The following GTF2A1 variants were observed in gnomAD, a reference collection of about 807,000 sequenced individuals.
GTF2A1 encodes the protein transcription initiation factor IIA subunit 1.
In GTF2A1, 12 loss-of-function variants were observed where a neutral mutation model predicts 54.1. That is an observed-to-expected ratio of 0.22 (90% CI 0.14 to 0.36). The LOEUF is 0.36. Among genes scored for constraint, GTF2A1 ranks in the 10% least tolerant of loss-of-function variants. The pLI is 1.00. For missense variants in GTF2A1, 335 were observed against 442.2 expected, an observed-to-expected ratio of 0.76 and a Z score of 2.17; for synonymous variants, 145 against 152.0, an observed-to-expected ratio of 0.95 and a Z score of 0.34.
chr14:81,201,570 A>G, intron 4 of GTF2A1, 24 bp downstream of exon 4: 1 of 1,421,820 alleles, frequency 7.0e-7, no homozygotes. Flanking sequence ...ACAGCCAATC[A>G]AACTGCTACA....
chr14:81,206,018 A>AAATC (rs750871077), intron 2 of GTF2A1, among the ~76,000 whole-genome samples: 8 of 152,188 alleles, frequency 5.3e-5, no homozygotes, highest in Non-Finnish European at 1.2e-4. Flanking sequence ...TGTGAGCCAA[A>AAATC]AATCAAGGTG....
intron 4 of GTF2A1, among the ~76,000 whole-genome samples, chr14:81,200,985 A>C (rs184918117): frequency 6.6e-6 from 1 of 152,122 alleles, no homozygotes; most frequent in East Asian, 1.9e-4. Context: ...CCTATACTAC[A>C]TTTGTTGAGA....
chr14:81,211,036 T>A (rs772699555), intron 2 of GTF2A1, among the ~76,000 whole-genome samples: 1 of 152,242 alleles, frequency 6.6e-6, no homozygotes, highest in Non-Finnish European at 1.5e-5. Context: ...TAAATACATG[T>A]ACAAACTAGT....
intron 7 of GTF2A1, among the ~76,000 whole-genome samples, chr14:81,192,144 C>T (rs1200000280): frequency 6.6e-6 from 1 of 152,014 alleles, no homozygotes; most frequent in Non-Finnish European, 1.5e-5. Context: ...CAAATGTTGC[C>T]ACGCTTTTTA....
chr14:81,206,801 C>T (rs1338142199), intron 2 of GTF2A1, among the ~76,000 whole-genome samples: 2 of 151,926 alleles, frequency 1.3e-5, no homozygotes, highest in Non-Finnish European at 2.9e-5. Flanking sequence ...TCTCTCCTTC[C>T]CTCCCCTTCT....
chr14:81,206,490 C>T (rs1230421213), intron 2 of GTF2A1, among the ~76,000 whole-genome samples: 2 of 152,178 alleles, frequency 1.3e-5, no homozygotes, highest in Admixed American at 6.5e-5. Flanking sequence ...GAGAAAAATG[C>T]TCGACCTTAC....
In GTF2A1 at chr14:81,203,542, G is replaced by C. The variant is rs553724533; in HGVS notation, c.337+358C>G. The stretch of plus-strand genomic sequence containing the variant: ...ACCATATAAAATAATAAATCCCTTA[G>C]TAAATAAACCTTTTAGATTTAACTT... On this transcript the variant is annotated intron_variant, in intron 3 of 8. Transcript: ENST00000553612. Among the ~76,000 whole-genome samples, 55 of 152,216 alleles carry C rather than the reference G, an allele frequency of 3.6e-4. 1 individual carries two copies. The South Asian group carries it at 0.011, about 32-fold the overall frequency.
chr14:81,201,005 T>C (rs1566857171), intron 4 of GTF2A1, among the ~76,000 whole-genome samples: 2 of 152,096 alleles, frequency 1.3e-5, no homozygotes, highest in Non-Finnish European at 2.9e-5. Context: ...AAATATTATA[T>C]GTCTGAAATG....
chr14:81,183,565 T>TA (rs1319254546), intron 8 of GTF2A1, among the ~76,000 whole-genome samples: 1 of 152,214 alleles, frequency 6.6e-6, no homozygotes, highest in Non-Finnish European at 1.5e-5. Flanking sequence ...AGTCACAACT[T>TA]AAAAAGCAAT....
chr14:81,214,241 T>C (rs930798224), intron 2 of GTF2A1, among the ~76,000 whole-genome samples: 1 of 152,148 alleles, frequency 6.6e-6, no homozygotes, highest in African/African-American at 2.4e-5. Context: ...AAATGTTCCT[T>C]AACATTTATT....
chr14:81,178,857 G>A lies in GTF2A1; in HGVS notation c.*1366C>T, dbSNP rs1892583053. ...TGTAAGAACACAATGGTGAAGACAA[G>A]CATTCCTGCAGTTCTCCCAGGCAGT... is the stretch of plus-strand genomic sequence containing the variant. On this transcript the variant is annotated 3_prime_UTR_variant, in exon 9 of 9. Transcript: ENST00000553612. 6.6e-6 allele frequency: 1 copy of A among 152,232 alleles called. No homozygotes were observed. The highest frequency in any genetic ancestry group is 1.5e-5 in the Non-Finnish European group (1 of 68,044). 9.4% of individuals were successfully genotyped at this position (152,232 alleles called of 1,614,324 possible).
At chr14:81,203,840 T>G in intron 3 of GTF2A1, 60 bp downstream of exon 3, 1 of 1,389,516 alleles carries the variant, frequency 7.2e-7, no homozygotes, top group South Asian at 1.2e-5. Context: ...ATATTTCTCT[T>G]CTTTCATAAT....
chr14:81,186,921 C>T (rs1892760645), intron 7 of GTF2A1, among the ~76,000 whole-genome samples: 1 of 151,648 alleles, frequency 6.6e-6, no homozygotes, highest in South Asian at 2.1e-4. Context: ...GCACTCCAGC[C>T]TGGACAACAA....
At chr14:81,188,195 T>C (rs536269696) in intron 7 of GTF2A1, among the ~76,000 whole-genome samples, 1 of 152,350 alleles carries the variant, frequency 6.6e-6, no homozygotes, top group East Asian at 1.9e-4. Context: ...TGTTACGCTG[T>C]TTAAGAGTTC....
intron 1 of GTF2A1, among the ~76,000 whole-genome samples, chr14:81,220,129 G>T (rs779699175): frequency 2.0e-5 from 3 of 151,416 alleles, no homozygotes; most frequent in Admixed American, 1.3e-4. Flanking sequence ...CAGCGCGGAC[G>T]GGCCCCTCGG....
intron 3 of GTF2A1, chr14:81,202,700 T>C: frequency 1.9e-6 from 1 of 517,244 alleles, no homozygotes; most frequent in South Asian, 1.4e-5. Flanking sequence ...GAATTACATG[T>C]TTGATTCCGC....
In GTF2A1 at chr14:81,179,189, T is replaced by C. The variant is rs183312116; in HGVS notation, c.*1034A>G. ...AGAATAGATTTTTAAAATTCTTTAC[T>C]AGTAAACACAAGAAACTTTTATAAT... On this transcript the variant is annotated 3_prime_UTR_variant, in exon 9 of 9. Transcript: ENST00000553612. 5.9e-5 allele frequency: 9 copies of C among 152,338 alleles called. No individual in the cohort carries two copies. In the East Asian group the frequency reaches 1.5e-3, roughly 26 times the overall value. 9.4% of individuals were successfully genotyped at this position (152,338 alleles called of 1,614,324 possible). A position where few individuals can be genotyped will look rare whatever the true frequency, so the allele number is the denominator to read the frequency against.
chr14:81,205,061 T>C (rs991602193), intron 2 of GTF2A1, among the ~76,000 whole-genome samples: 3 of 152,218 alleles, frequency 2.0e-5, no homozygotes, highest in Non-Finnish European at 4.4e-5. Context: ...CTGAAGCTTC[T>C]ATCAGATCCT....
chr14:81,214,013 T>C (rs1893431742), intron 2 of GTF2A1, among the ~76,000 whole-genome samples: 1 of 152,124 alleles, frequency 6.6e-6, no homozygotes, highest in Non-Finnish European at 1.5e-5. Flanking sequence ...CAGCTAATTT[T>C]TGTATTTTTA....
Sources: gnomAD v4.1 joint callset for allele counts (sites outside exome capture counted in the v4.1 genomes callset) on GRCh38, gnomAD v4.1.1 for gene constraint, MANE v1.5 for transcripts, NCBI Gene and HGNC (gene_info 2026-07-23, HGNC 2026-07-21) for gene names.